COX5A: variants seen among roughly 807,000 people sequenced by gnomAD.
COX5A encodes cytochrome c oxidase subunit 5A, also known as cytochrome c oxidase subunit 5A, mitochondrial.
In COX5A, 6 loss-of-function variants were observed where a neutral mutation model predicts 16.1. The ratio of observed to expected loss-of-function variants is 0.37; its 90% CI spans 0.20 to 0.73. The LOEUF (loss-of-function observed/expected upper bound fraction) is 0.73. Among genes scored for constraint, COX5A ranks in the 30% least tolerant of loss-of-function variants. The pLI is 0.50. For missense variants in COX5A, 159 were observed against 194.9 expected (o/e 0.82, Z 1.10); for synonymous variants, 73 against 73.8 (o/e 0.99, Z 0.06).
At chr15:74,936,070 C>T (rs1454811555) in intron 1 of COX5A, among the ~76,000 whole-genome samples, 4 of 152,074 alleles carry the variant, frequency 2.6e-5, no homozygotes, top group African/African-American at 9.6e-5. Flanking sequence ...GCAGACGGAT[C>T]ACCTGACCTC....
At chr15:74,933,117 T>C (rs2065374066) in intron 1 of COX5A, among the ~76,000 whole-genome samples, 1 of 150,844 alleles carries the variant, frequency 6.6e-6, no homozygotes, top group South Asian at 2.1e-4. Context: ...TCAAATTTAA[T>C]ATATCAGAAA....
Position 74,937,898 on chromosome 15 carries a change from G to C in COX5A, c.100+17C>G, listed in dbSNP as rs2065399347. 11 of 1,226,040 alleles carry C rather than the reference G, an allele frequency of 9.0e-6. No homozygotes were observed. The highest frequency in any genetic ancestry group is 1.0e-5 in the Non-Finnish European group (10 of 981,582). 75.9% of individuals were successfully genotyped at this position (1,226,040 alleles called of 1,614,324 possible). Reference sequence around the variant, plus strand: ...CAAGGACACGAGGGCGCGGGCAGTGGCAAGCAGGGGCCTTACCCACGGCGG... The same window carrying C: ...CAAGGACACGAGGGCGCGGGCAGTGCCAAGCAGGGGCCTTACCCACGGCGG... On this transcript the variant is annotated intron_variant, in intron 1 of 4. Transcript: ENST00000322347.
intron 3 of COX5A, among the ~76,000 whole-genome samples, chr15:74,925,549 C>A (rs565551660): frequency 6.6e-6 from 1 of 151,338 alleles, no homozygotes; most frequent in African/African-American, 2.4e-5. Flanking sequence ...CCCCCACGCC[C>A]GGCTAATTTT....
Position 74,938,056 on chromosome 15 carries a change from G to C in COX5A, c.-42C>G. Reference sequence around the variant, plus strand: ...CGCGGGCTGAGGACAGAGAGAAGCCGGTGTAAGCTCGCGGGTTGCTCCGGA... The same window carrying C: ...CGCGGGCTGAGGACAGAGAGAAGCCCGTGTAAGCTCGCGGGTTGCTCCGGA... On this transcript the variant is annotated 5_prime_UTR_variant, in exon 1 of 5. Coordinates refer to ENST00000322347, the MANE Select transcript of COX5A (RefSeq NM_004255.4). 8.4e-7 allele frequency: 1 copy of C among 1,191,804 alleles called. No individual in the cohort carries two copies. The highest frequency in any genetic ancestry group is 1.0e-6 in the Non-Finnish European group (1 of 952,878). The allele number at this position is 1,191,804 out of a possible 1,614,324, so 73.8% of individuals were successfully genotyped here. A position where few individuals can be genotyped will look rare whatever the true frequency, so the allele number is the denominator to read the frequency against.
intron 3 of COX5A, among the ~76,000 whole-genome samples, chr15:74,924,366 G>A (rs867216830): frequency 1.3e-5 from 2 of 151,808 alleles, no homozygotes; most frequent in African/African-American, 2.4e-5. Flanking sequence ...GTGAAACCCC[G>A]TCTCTACTAA....
chr15:74,924,313 T>C (rs1595860857), intron 3 of COX5A, among the ~76,000 whole-genome samples: 1 of 151,064 alleles, frequency 6.6e-6, no homozygotes, highest in South Asian at 2.1e-4. Flanking sequence ...CCAAGGCGGG[T>C]GGATCACAAG....
At chr15:74,933,416 A>C (rs201572149) in intron 1 of COX5A, among the ~76,000 whole-genome samples, 1 of 132,844 alleles carries the variant, frequency 7.5e-6, no homozygotes, top group Non-Finnish European at 1.6e-5. Flanking sequence ...CTCAAAAAAA[A>C]AAATATCTAT....
chr15:74,938,003 G>T lies in COX5A; in HGVS notation c.12C>A (p.Ala4=). 7 of 1,231,694 alleles carry T rather than the reference G, an allele frequency of 5.7e-6. No individual in the cohort carries two copies. The highest frequency in any genetic ancestry group is 7.1e-6 in the Non-Finnish European group (7 of 987,704). The allele number at this position is 1,231,694 out of a possible 1,614,324, so 76.3% of individuals were successfully genotyped here. The part of the protein sequence containing the change: MLG[A]ALRRCAVAAT... Reference sequence around the variant, plus strand: ...CGGCCACAGCGCAGCGGCGGAGAGCGGCGCCCAGCATGACGGCGATGGCGG... The same window carrying T: ...CGGCCACAGCGCAGCGGCGGAGAGCTGCGCCCAGCATGACGGCGATGGCGG... The change falls in exon 1 of 5, where the codon GCC becomes GCA. Residue 4 remains alanine, a synonymous_variant. Coordinates refer to ENST00000322347, the MANE Select transcript of COX5A (RefSeq NM_004255.4).
intron 2 of COX5A, among the ~76,000 whole-genome samples, chr15:74,927,559 G>A (rs1355572400): frequency 1.3e-5 from 2 of 151,984 alleles, no homozygotes; most frequent in African/African-American, 2.4e-5. Context: ...GATCACCTGA[G>A]GTCAGGGGTT....
intron 1 of COX5A, among the ~76,000 whole-genome samples, chr15:74,936,150 G>C (rs867685989): frequency 6.6e-6 from 1 of 152,032 alleles, no homozygotes; most frequent in Non-Finnish European, 1.5e-5. Flanking sequence ...AAGTAGCCGG[G>C]CATGGTGGCA....
chr15:74,920,512 C>A, intron 4 of COX5A, 70 bp from the exon 5 acceptor site: 1 of 667,738 alleles, frequency 1.5e-6, no homozygotes, highest in South Asian at 1.7e-5. Flanking sequence ...TAAAAATAAC[C>A]CTTAGTGCTA....
rs11638583 is a variant in COX5A, at chr15:74,937,991, G to A, written c.24C>T (p.Arg8=). ...CCCGGGTGGTTGCGGCCACAGCGCA[G>A]CGGCGGAGAGCGGCGCCCAGCATGA... MLGAALR[R]CAVAATTRAD... is the part of the protein sequence containing the mutation. Residue 8 remains arginine (R), a synonymous_variant, in exon 1 of 5, where the codon CGC becomes CGT. Coordinates refer to ENST00000322347, the MANE Select transcript of COX5A (RefSeq NM_004255.4). The A allele has an allele frequency of 3.1e-5, 38 of 1,231,992 alleles. No individual in the cohort carries two copies. The highest frequency in any genetic ancestry group is 3.7e-5 in the Non-Finnish European group (37 of 987,954). 76.3% of individuals were successfully genotyped at this position (1,231,992 alleles called of 1,614,324 possible).
At chr15:74,926,032 ATTTTTTTTTT>A (rs755631696) in intron 3 of COX5A, among the ~76,000 whole-genome samples, 28 of 107,664 alleles carry the variant, frequency 2.6e-4, no homozygotes, top group African/African-American at 1.0e-3. Context: ...TGCCCAGCTA[ATTTTTTTTTT>A]TTTTTTTTTT....
chr15:74,936,722 GT>G, intron 1 of COX5A, among the ~76,000 whole-genome samples: 1 of 148,658 alleles, frequency 6.7e-6, no homozygotes, highest in Non-Finnish European at 1.5e-5. Context: ...CGCCTCTCAG[GT>G]TCAAGCGATT....
chr15:74,933,156 G>A lies in COX5A; in HGVS notation c.101-3924C>T, dbSNP rs530845148. ...AGGCCAGGTGCGGTGGCTCACACCT[G>A]TAATCCCAGCACTTTGGGAGGCTGA... On this transcript the variant is annotated intron_variant, in intron 1 of 4. Coordinates refer to ENST00000322347, the MANE Select transcript of COX5A (RefSeq NM_004255.4). 2.8e-4 allele frequency among the ~76,000 whole-genome samples: 43 copies of A among 151,744 alleles called. No individual in the cohort carries two copies. The South Asian group carries it at 6.9e-3, about 24-fold the overall frequency.
At chr15:74,933,943 A>C (rs2065377839) in intron 1 of COX5A, among the ~76,000 whole-genome samples, 1 of 152,224 alleles carries the variant, frequency 6.6e-6, no homozygotes, top group Non-Finnish European at 1.5e-5. Context: ...CAAGGATTTG[A>C]TCATATGTCT....
At chr15:74,936,041 A>C (rs1801346710) in intron 1 of COX5A, among the ~76,000 whole-genome samples, 1 of 152,142 alleles carries the variant, frequency 6.6e-6, no homozygotes, top group Admixed American at 6.6e-5. Context: ...CTGTAATCCC[A>C]GCACTTTGGG....
intron 2 of COX5A, among the ~76,000 whole-genome samples, chr15:74,927,855 C>G (rs767223111): frequency 2.0e-5 from 3 of 151,986 alleles, no homozygotes; most frequent in Admixed American, 2.0e-4. Flanking sequence ...CAGAGAAATG[C>G]GTAGAGTTAA....
At chr15:74,931,704 C>T (rs2065368386) in intron 1 of COX5A, among the ~76,000 whole-genome samples, 1 of 151,960 alleles carries the variant, frequency 6.6e-6, no homozygotes, top group South Asian at 2.1e-4. Flanking sequence ...CAGGCGAGCG[C>T]CACTAAGCTT....
Sources: gnomAD v4.1 joint callset for allele counts (sites outside exome capture counted in the v4.1 genomes callset) on GRCh38, gnomAD v4.1.1 for gene constraint, MANE v1.5 for transcripts, NCBI Gene and HGNC (gene_info 2026-07-23, HGNC 2026-07-21) for gene names.